SKP2: variants seen among roughly 807,000 people sequenced by gnomAD.
The protein encoded by SKP2 is S-phase kinase-associated protein 2.
SKP2 carries 16 observed loss-of-function variants against 51.8 expected under a neutral mutation model. The ratio of observed to expected loss-of-function variants is 0.31; its 90% CI spans 0.21 to 0.47. The LOEUF (loss-of-function observed/expected upper bound fraction) is 0.47. Ranked by LOEUF, SKP2 falls within the 20% of genes least tolerant of loss-of-function variation. The probability of loss-of-function intolerance (pLI) is 1.00; values close to 1 mark genes in which losing one functional copy is unlikely to be tolerated. For missense variants in SKP2, 377 were observed against 505.3 expected, an observed-to-expected ratio of 0.75 and a Z score of 2.43; for synonymous variants, 176 against 198.6, an observed-to-expected ratio of 0.89 and a Z score of 0.96.
downstream of SKP2, among the ~76,000 whole-genome samples, chr5:36,189,113 G>T (rs957148198): frequency 6.6e-6 from 1 of 152,088 alleles, no homozygotes; most frequent in Non-Finnish European, 1.5e-5. Context: ...GGTTATTCTA[G>T]TTAGCCATTC....
At chr5:36,180,480 T>A (rs1745771028) in intron 9 of SKP2, among the ~76,000 whole-genome samples, 1 of 152,222 alleles carries the variant, frequency 6.6e-6, no homozygotes, top group African/African-American at 2.4e-5. Context: ...TTTTATTTTA[T>A]AAATTAGCCT....
intron 9 of SKP2, among the ~76,000 whole-genome samples, chr5:36,179,738 A>G (rs1745743478): frequency 6.6e-6 from 1 of 152,182 alleles, no homozygotes; most frequent in South Asian, 2.1e-4. Context: ...CTAAAATTCA[A>G]TATACATAAG....
chr5:36,155,475 G>A (rs995483862), intron 2 of SKP2, among the ~76,000 whole-genome samples: 3 of 152,208 alleles, frequency 2.0e-5, no homozygotes, highest in African/African-American at 7.2e-5. Flanking sequence ...ACAGGTCGTC[G>A]TGAAGATTAA....
At position 36,166,526 on chromosome 5, in the gene SKP2, G is replaced by A; in HGVS notation, c.400G>A (p.Glu134Lys). 1.2e-6 allele frequency: 2 copies of A among 1,614,048 alleles called. No individual in the cohort carries two copies. Among genetic ancestry groups the A allele is most frequent in the Non-Finnish European group, 8.5e-7 (1 of 1,179,970 alleles). The change falls in exon 4 of 10, where the codon GAG becomes AAG. Residue 134 changes from glutamate to lysine, a missense_variant. Physicochemically the swap from Glu to Lys is moderately conservative, Grantham distance 56. Transcript: ENST00000274255. ...GTATCTCCTCTTTTATAGGTCTGAT[G>A]AGTCTCTATGGCAGACCTTAGACCT... ...CKRWYRLASD[E>K]SLWQTLDLTG...
intron 2 of SKP2, among the ~76,000 whole-genome samples, chr5:36,162,273 C>G (rs1001047458): frequency 1.3e-5 from 2 of 152,066 alleles, no homozygotes; most frequent in African/African-American, 4.8e-5. Context: ...GCGCTCTACA[C>G]TGGCCTCCTT....
chr5:36,164,804 T>G (rs887622075), intron 3 of SKP2, among the ~76,000 whole-genome samples: 11 of 152,226 alleles, frequency 7.2e-5, no homozygotes, highest in Non-Finnish European at 1.5e-5. Context: ...TTTTAAAATT[T>G]TATTGTATAT....
At chr5:36,185,915 C>T (rs914878781), downstream of SKP2, among the ~76,000 whole-genome samples, 2 of 152,078 alleles carry the variant, frequency 1.3e-5, no homozygotes, top group African/African-American at 4.8e-5. Flanking sequence ...TGTTTGTGTC[C>T]TCTTTTATTT....
At chr5:36,191,334 A>G (rs1328278826) in intron 6 of SKP2, among the ~76,000 whole-genome samples, 5 of 152,116 alleles carry the variant, frequency 3.3e-5, no homozygotes, top group African/African-American at 9.7e-5. Flanking sequence ...TACAACAAAG[A>G]ATTGTCTGGA....
At chr5:36,158,271 C>T (rs1205293812) in intron 2 of SKP2, among the ~76,000 whole-genome samples, 1 of 152,220 alleles carries the variant, frequency 6.6e-6, no homozygotes, top group Admixed American at 6.5e-5. Context: ...GACCAGGCAG[C>T]AGTTTCATCA....
At chr5:36,159,102 A>T (rs983533772) in intron 2 of SKP2, among the ~76,000 whole-genome samples, 1 of 152,220 alleles carries the variant, frequency 6.6e-6, no homozygotes, top group Non-Finnish European at 1.5e-5. Context: ...AAATCTGGGC[A>T]TGGGGCCTGT....
At chr5:36,191,018 A>G (rs1746012192) in intron 6 of SKP2, among the ~76,000 whole-genome samples, 1 of 152,196 alleles carries the variant, frequency 6.6e-6, no homozygotes, top group South Asian at 2.1e-4. Flanking sequence ...TAAATCTTAA[A>G]TTTAGGGTTT....
At chr5:36,158,664 A>C (rs1420887513) in intron 2 of SKP2, among the ~76,000 whole-genome samples, 1 of 152,094 alleles carries the variant, frequency 6.6e-6, no homozygotes, top group Non-Finnish European at 1.5e-5. Context: ...TTTAATTCTC[A>C]CCTTTTCAAA....
chr5:36,164,253 A>C (rs752072055), intron 3 of SKP2, among the ~76,000 whole-genome samples: 2 of 152,158 alleles, frequency 1.3e-5, no homozygotes, highest in East Asian at 3.9e-4. Flanking sequence ...TATGAGGAGG[A>C]AACCACTGGT....
At chr5:36,170,503 A>G (rs1745435927) in intron 6 of SKP2, 61 bp downstream of exon 6, 5 of 1,012,572 alleles carry the variant, frequency 4.9e-6, no homozygotes, top group African/African-American at 1.6e-5. Flanking sequence ...TATCCCTCAC[A>G]TCTGTATAAA....
At chr5:36,162,924 C>G (rs944267671) in intron 2 of SKP2, among the ~76,000 whole-genome samples, 1 of 152,102 alleles carries the variant, frequency 6.6e-6, no homozygotes. Context: ...GCAAAGGGGT[C>G]GGGGAAGCCA....
chr5:36,159,419 C>A (rs1395314972), intron 2 of SKP2, among the ~76,000 whole-genome samples: 1 of 152,174 alleles, frequency 6.6e-6, no homozygotes, highest in East Asian at 1.9e-4. Context: ...GCAAGCTTTT[C>A]TAATTTCCTT....
chr5:36,190,806 T>A (rs1746006970), intron 6 of SKP2, among the ~76,000 whole-genome samples: 1 of 151,990 alleles, frequency 6.6e-6, no homozygotes, highest in Non-Finnish European at 1.5e-5. Flanking sequence ...TACAGATAAT[T>A]TTGAAGCAAA....
chr5:36,193,474 C>CA (rs35678845), intron 7 of SKP2: 12,059 of 59,994 alleles, frequency 0.2, 951 homozygotes, highest in Non-Finnish European at 0.27. Context: ...ACTCCGTTCT[C>CA]AAAAAAAAAA....
At chr5:36,188,680 A>G (rs1373850833), downstream of SKP2, among the ~76,000 whole-genome samples, 1 of 151,808 alleles carries the variant, frequency 6.6e-6, no homozygotes, top group Non-Finnish European at 1.5e-5. Context: ...CTTCATTTCA[A>G]CCTTGGTGAA....
Sources: allele counts gnomAD v4.1 joint callset (sites outside exome capture counted in the v4.1 genomes callset), GRCh38; gene constraint gnomAD v4.1.1; transcripts MANE v1.5; gene names NCBI Gene and HGNC (gene_info 2026-07-23, HGNC 2026-07-21).